SPAG1: variants seen among roughly 807,000 people sequenced by gnomAD.
SPAG1 encodes sperm associated antigen 1, also known as sperm-associated antigen 1.
A neutral mutation model predicts 100.5 loss-of-function variants in SPAG1; 69 were observed. The ratio of observed to expected loss-of-function variants is 0.69; its 90% CI spans 0.57 to 0.84. The LOEUF (loss-of-function observed/expected upper bound fraction) is 0.84. Ranked by LOEUF, SPAG1 falls within the 40% of genes least tolerant of loss-of-function variation. The pLI is 0.00. For missense variants in SPAG1, 955 were observed against 1,133.1 expected (o/e 0.84, Z 2.26); for synonymous variants, 336 against 411.6 (o/e 0.82, Z 2.22).
chr8:100,174,991 G>C (rs567271652), intron 3 of SPAG1, among the ~76,000 whole-genome samples: 1 of 142,448 alleles, frequency 7.0e-6, no homozygotes, highest in South Asian at 2.2e-4. Flanking sequence ...TTTTTTCTTA[G>C]AGATGGGATC....
At chr8:100,237,702 A>G (rs1012372925) in intron 16 of SPAG1, among the ~76,000 whole-genome samples, 1 of 152,070 alleles carries the variant, frequency 6.6e-6, no homozygotes, top group East Asian at 1.9e-4. Context: ...CTCCTTGCCC[A>G]ATTCTGTCTA....
At chr8:100,206,571 A>G (rs942449695) in intron 10 of SPAG1, among the ~76,000 whole-genome samples, 6 of 152,198 alleles carry the variant, frequency 3.9e-5, no homozygotes, top group Non-Finnish European at 8.8e-5. Context: ...ACTAAAATTC[A>G]GGGACCTTCT....
chr8:100,240,723 A>G lies in SPAG1; in HGVS notation c.2601A>G (p.Ser867=), dbSNP rs138311726. 178 of 1,613,258 alleles carry G rather than the reference A, an allele frequency of 1.1e-4. 1 individual carries two copies. The African/African-American group carries it at 2.0e-3, about 18-fold the overall frequency. ...LKNNLIEKDP[S]LVYQHLLYLS... ...ATAATCTTATTGAAAAAGATCCCTC[A>G]TTGGTGTATCAGCATCTTTTATACC... Residue 867 remains serine (S), a synonymous_variant, in exon 18 of 19, where the codon TCA becomes TCG. Coordinates refer to ENST00000388798, the MANE Select transcript of SPAG1 (RefSeq NM_003114.5).
chr8:100,209,412 G>A (rs1817630026), intron 10 of SPAG1, among the ~76,000 whole-genome samples: 2 of 147,450 alleles, frequency 1.4e-5, no homozygotes, highest in Admixed American at 1.4e-4. Flanking sequence ...TATCATTAGA[G>A]TGAGACCCTG....
intron 16 of SPAG1, among the ~76,000 whole-genome samples, chr8:100,237,111 T>TGAGA (rs1819041469): frequency 6.6e-6 from 1 of 152,150 alleles, no homozygotes; most frequent in Non-Finnish European, 1.5e-5. Context: ...GACAGAGTCT[T>TGAGA]GCTCTGTCAC....
Position 100,239,457 on chromosome 8 carries a change from A to C in SPAG1, c.2280+53A>C, listed in dbSNP as rs1819158402. On this transcript the variant is annotated intron_variant, in intron 17 of 18. Coordinates refer to ENST00000388798, the MANE Select transcript of SPAG1 (RefSeq NM_003114.5). This position sits in a 1 kb window ranked among gnomAD's most constrained non-coding sequence, Gnocchi z 5.0. ...TACTCCTTTGGGGACCTTAGACTGG[A>C]TTCTAAGGTCATATTCCTGTGAGTT... is the stretch of plus-strand genomic sequence containing the variant. The C allele has an allele frequency of 2.7e-6, 3 of 1,117,706 alleles. No individual in the cohort carries two copies. The highest frequency in any genetic ancestry group is 4.0e-6 in the Non-Finnish European group (3 of 745,640). The allele number at this position is 1,117,706 out of a possible 1,614,324, so 69.2% of individuals were successfully genotyped here.
At chr8:100,203,423 T>C (rs956198759) in intron 10 of SPAG1, among the ~76,000 whole-genome samples, 2 of 152,162 alleles carry the variant, frequency 1.3e-5, no homozygotes, top group African/African-American at 2.4e-5. Flanking sequence ...GAACAGACTA[T>C]TAAGGATGCA....
At chr8:100,240,237 C>A (rs1819196018) in intron 17 of SPAG1, among the ~76,000 whole-genome samples, 166 bp from the exon 18 acceptor site, 1 of 151,906 alleles carries the variant, frequency 6.6e-6, no homozygotes, top group African/African-American at 2.4e-5. Flanking sequence ...GATCTTACAC[C>A]CTAAAACTTC....
rs1294150923 is a variant in SPAG1 at position 100,236,076 on chromosome 8, A to G, written c.2115+2539A>G. On this transcript the variant is annotated intron_variant, in intron 16 of 18. Transcript: ENST00000388798. ...GAACCTGGTGAGCTGACTAAAGGTC[A>G]GAAGCTGCACCCTAATGAAAGACTG... Among the ~76,000 whole-genome samples the G allele has an allele frequency of 2.6e-5, 4 of 152,234 alleles. No homozygotes were observed. In the East Asian group the frequency reaches 7.7e-4, roughly 29 times the overall value.
At chr8:100,173,502 G>T (rs1815972704) in intron 3 of SPAG1, among the ~76,000 whole-genome samples, 1 of 151,676 alleles carries the variant, frequency 6.6e-6, no homozygotes, top group East Asian at 1.9e-4. Flanking sequence ...GGGTTTTTTT[G>T]CTGTATCCCA....
chr8:100,240,604 C>T lies in SPAG1; in HGVS notation c.2482C>T (p.Leu828Phe), dbSNP rs759538995. 5.0e-6 allele frequency: 8 copies of T among 1,614,154 alleles called. No individual in the cohort carries two copies. The highest frequency in any genetic ancestry group is 5.9e-6 in the Non-Finnish European group (7 of 1,180,008). Residue 828 changes from leucine (L) to phenylalanine (F), a missense_variant, in exon 18 of 19, where the codon CTT (leucine) becomes TTT (phenylalanine). Transcript: ENST00000388798. ...GAAGGATAAAGAAGCCTGTGCACATCTTTTAGCCATCACTGCACCAAAAGA... is the reference window on the plus strand; with the variant it reads ...GAAGGATAAAGAAGCCTGTGCACATTTTTTAGCCATCACTGCACCAAAAGA... ...TRKDKEACAH[L>F]LAITAPKDLP...
At chr8:100,226,084 C>T (rs1381836665) in intron 14 of SPAG1, among the ~76,000 whole-genome samples, 1 of 151,404 alleles carries the variant, frequency 6.6e-6, no homozygotes, top group East Asian at 2.0e-4. Flanking sequence ...GCAACCTCCA[C>T]CTCCCAGGTT....
chr8:100,219,547 G>A (rs1818165654), intron 12 of SPAG1, among the ~76,000 whole-genome samples: 1 of 152,190 alleles, frequency 6.6e-6, no homozygotes, highest in Non-Finnish European at 1.5e-5. Context: ...AGTTTACCAT[G>A]GGATTATTGG....
At chr8:100,174,278 A>C (rs1322014122) in intron 3 of SPAG1, among the ~76,000 whole-genome samples, 1 of 152,246 alleles carries the variant, frequency 6.6e-6, no homozygotes, top group Non-Finnish European at 1.5e-5. Flanking sequence ...AGCTAGAGAA[A>C]AGAAAATGTT....
intron 8 of SPAG1, among the ~76,000 whole-genome samples, chr8:100,189,967 A>G (rs939052590): frequency 2.6e-5 from 4 of 152,170 alleles, no homozygotes; most frequent in Non-Finnish European, 5.9e-5. Flanking sequence ...AAATTGGTCA[A>G]ATTTATAATT....
At chr8:100,218,403 A>G (rs1563804739) in intron 12 of SPAG1, among the ~76,000 whole-genome samples, 1 of 152,212 alleles carries the variant, frequency 6.6e-6, no homozygotes. Flanking sequence ...GATAAATGGC[A>G]CCTTGGTCAT....
At chr8:100,172,933 C>T (rs1295442927) in intron 3 of SPAG1, among the ~76,000 whole-genome samples, 1 of 151,542 alleles carries the variant, frequency 6.6e-6, no homozygotes, top group Non-Finnish European at 1.5e-5. Flanking sequence ...CACTTTATGT[C>T]CAGACTTTTT....
Position 100,241,142 on chromosome 8 carries a change from A to G in SPAG1, c.*120A>G. ...CCTAGAAAAGTTTGGTCTGCACTAT[A>G]AAACATTTTACTTATTTTCCTACAT... On this transcript the variant is annotated 3_prime_UTR_variant, in exon 19 of 19. Coordinates refer to ENST00000388798, the MANE Select transcript of SPAG1 (RefSeq NM_003114.5). The surrounding 1 kb of genome is among the most constrained non-coding windows in gnomAD (Gnocchi z 5.1). The G allele has an allele frequency of 1.2e-6, 1 of 849,036 alleles. No homozygotes were observed. Among genetic ancestry groups the G allele is most frequent in the Middle Eastern group, 3.5e-4 (1 of 2,888 alleles). 52.6% of individuals were successfully genotyped at this position (849,036 alleles called of 1,614,324 possible). A position where few individuals can be genotyped will look rare whatever the true frequency, so the allele number is the denominator to read the frequency against.
At chr8:100,203,825 G>A (rs1228470536) in intron 10 of SPAG1, among the ~76,000 whole-genome samples, 3 of 152,192 alleles carry the variant, frequency 2.0e-5, no homozygotes, top group African/African-American at 7.2e-5. Flanking sequence ...TAGAGAAAGA[G>A]CTGAAATTGT....
Sources: allele counts gnomAD v4.1 joint callset (sites outside exome capture counted in the v4.1 genomes callset), GRCh38; gene constraint gnomAD v4.1.1; non-coding constraint Gnocchi (gnomAD v3.1); transcripts MANE v1.5; gene names NCBI Gene and HGNC (gene_info 2026-07-23, HGNC 2026-07-21).